The following FGD6 variants were observed in gnomAD, a reference collection of about 807,000 sequenced individuals.
FGD6 encodes the protein FYVE, RhoGEF and PH domain-containing protein 6.
FGD6 carries 90 observed loss-of-function variants against 149.4 expected under a neutral mutation model. The ratio of observed to expected loss-of-function variants is 0.60; its 90% confidence interval spans 0.51 to 0.72. The LOEUF (loss-of-function observed/expected upper bound fraction) is 0.72. Among genes scored for constraint, FGD6 ranks in the 30% least tolerant of loss-of-function variants. FGD6 has a pLI of 0.00. For synonymous variants in FGD6, 527 were observed against 584.0 expected (o/e 0.90, Z 1.41); for missense variants, 1,437 against 1,684.8 (o/e 0.85, Z 2.57).
chr12:95,092,898 T>A, intron 15 of FGD6, 53 bp from the exon 16 acceptor site: 2 of 1,550,580 alleles, frequency 1.3e-6, no homozygotes, highest in Non-Finnish European at 1.7e-6. Flanking sequence ...CCTGCCTTTT[T>A]ATTCGGCAGT....
chr12:95,105,031 T>C lies in FGD6; in HGVS notation c.3473A>G (p.Glu1158Gly), dbSNP rs1393183819. ...YQNELKIESV[E>G]RSFILSASSA... ...CCTGGCTGAGAGAATGAAGGAACGTTCTACACTTTCAATCTTTAATTCATT... is the reference window on the plus strand; with the variant it reads ...CCTGGCTGAGAGAATGAAGGAACGTCCTACACTTTCAATCTTTAATTCATT... The change falls in exon 14 of 21, where the codon GAA becomes GGA. Residue 1158 changes from glutamate to glycine, a missense_variant. Around this residue, in one of 2 missense-constraint regions of FGD6, gnomAD observed 382 missense variants for 538.7 expected, o/e 0.71. Coordinates refer to ENST00000343958, the MANE Select transcript of FGD6 (RefSeq NM_018351.4). 1 of 1,606,832 alleles carries C rather than the reference T, an allele frequency of 6.2e-7. No homozygotes were observed.
Position 95,209,165 on chromosome 12 carries a change from ACTT to A in FGD6, c.2116_2118del (p.Lys706del). The A allele has an allele frequency of 6.2e-7, 1 of 1,614,006 alleles. No individual in the cohort carries two copies. The highest frequency in any genetic ancestry group is 8.5e-7 in the Non-Finnish European group (1 of 1,179,994). On this transcript the variant is annotated inframe_deletion, in exon 2 of 21. Coordinates refer to ENST00000343958, the MANE Select transcript of FGD6 (RefSeq NM_018351.4). ...TTAGCTGCACTGGTCTGGCCCCGAG[ACTT>A]CTTCCTCTTCTTTTGAGATTCCAGG...
intron 3 of FGD6, among the ~76,000 whole-genome samples, chr12:95,165,865 T>A (rs1320747247): frequency 3.3e-5 from 5 of 151,848 alleles, no homozygotes; most frequent in African/African-American, 7.3e-5. Context: ...CAGATTGGTC[T>A]CGAACTCCTG....
chr12:95,209,633 C>T lies in FGD6; in HGVS notation c.1651G>A (p.Val551Met), dbSNP rs773048074. The change falls in exon 2 of 21, where the codon GTG becomes ATG. Residue 551 changes from valine to methionine, a missense_variant. Val to Met is a conservative substitution (Grantham distance 21). Transcript: ENST00000343958. ...TTAGGCATATCAAAGGAGGATGACACACCACGGTTTTGGGCACACAAATGC... is the reference window on the plus strand; with the variant it reads ...TTAGGCATATCAAAGGAGGATGACATACCACGGTTTTGGGCACACAAATGC... ...LQHLCAQNRG[V>M]SSSFDMPKRA... 1.5e-4 allele frequency: 234 copies of T among 1,613,406 alleles called. No individual in the cohort carries two copies. The highest frequency in any genetic ancestry group is 1.9e-4 in the Non-Finnish European group (229 of 1,179,864).
In FGD6 at chr12:95,082,294, A is replaced by G. The variant is rs144619878; in HGVS notation, c.4257-738T>C. ...AGTTTCCTTGTATATCCCCTAATCC[A>G]GACCTGTTTCAAGATTTGCAATTAA... On this transcript the variant is annotated intron_variant, in intron 20 of 20. Transcript: ENST00000343958. Among the ~76,000 whole-genome samples, 1,087 of 151,994 alleles carry G rather than the reference A, an allele frequency of 7.2e-3. 12 individuals are homozygous for G. The highest frequency in any genetic ancestry group is 0.023 in the African/African-American group (971 of 41,482).
At chr12:95,170,459 T>C (rs1476310148) in intron 3 of FGD6, among the ~76,000 whole-genome samples, 4 of 151,940 alleles carry the variant, frequency 2.6e-5, no homozygotes, top group Non-Finnish European at 5.9e-5. Flanking sequence ...CTGGCCAACA[T>C]AGTGAAACCC....
intron 14 of FGD6, among the ~76,000 whole-genome samples, chr12:95,101,573 T>C (rs1484271447): frequency 2.0e-5 from 3 of 152,172 alleles, no homozygotes; most frequent in Non-Finnish European, 4.4e-5. Flanking sequence ...GACTTTTCTA[T>C]AGGCATTTCT....
Position 95,207,970 on chromosome 12 carries a change from G to A in FGD6, c.2441+873C>T, listed in dbSNP as rs114357137. Among the ~76,000 whole-genome samples, 137 of 152,260 alleles carry A rather than the reference G, an allele frequency of 9.0e-4. 2 individuals are homozygous for A. The highest frequency in any genetic ancestry group is 3.2e-3 in the African/African-American group (134 of 41,544). On this transcript the variant is annotated intron_variant, in intron 2 of 20. Coordinates refer to ENST00000343958, the MANE Select transcript of FGD6 (RefSeq NM_018351.4). Reference sequence around the variant, plus strand: ...GTGCACACACAAAAGTGAGAAATAGGCCCAGTGTAGTGACTCATGCCTGTA... The same window carrying A: ...GTGCACACACAAAAGTGAGAAATAGACCCAGTGTAGTGACTCATGCCTGTA...
chr12:95,157,802 C>T (rs1027366633), intron 3 of FGD6, among the ~76,000 whole-genome samples: 1 of 152,106 alleles, frequency 6.6e-6, no homozygotes, highest in African/African-American at 2.4e-5. Context: ...ATTCCTCTTT[C>T]CTAATGATGG....
intron 14 of FGD6, among the ~76,000 whole-genome samples, chr12:95,095,602 G>C (rs958371710): frequency 2.0e-5 from 3 of 151,928 alleles, no homozygotes; most frequent in Admixed American, 6.6e-5. Flanking sequence ...GAGAAAGAAA[G>C]ACTTTAATAA....
intron 17 of FGD6, 73 bp downstream of exon 17, chr12:95,091,634 T>C: frequency 1.0e-6 from 1 of 962,048 alleles, no homozygotes. Flanking sequence ...CCGAAGGTGT[T>C]TCTCTCAGAA....
chr12:95,188,808 T>G lies in FGD6; in HGVS notation c.2442-16064A>C, dbSNP rs183241510. On this transcript the variant is annotated intron_variant, in intron 2 of 20. Coordinates refer to ENST00000343958, the MANE Select transcript of FGD6 (RefSeq NM_018351.4). Reference sequence around the variant, plus strand: ...AGTATTCCTTAAAAACAACTTTTTTTTTTTTTAATACTTGGTAAGGAAAGG... The same window carrying G: ...AGTATTCCTTAAAAACAACTTTTTTGTTTTTTAATACTTGGTAAGGAAAGG... Among the ~76,000 whole-genome samples the G allele has an allele frequency of 5.3e-5, 8 of 152,202 alleles. No individual in the cohort carries two copies. In the East Asian group the frequency reaches 1.5e-3, roughly 29 times the overall value.
At chr12:95,216,942 C>A (rs2056815562) in intron 1 of FGD6, among the ~76,000 whole-genome samples, 2 of 152,204 alleles carry the variant, frequency 1.3e-5, no homozygotes, top group Non-Finnish European at 2.9e-5. Context: ...GAGAGATGAG[C>A]GAACGCCCTT....
chr12:95,210,249 G>C lies in FGD6; in HGVS notation c.1035C>G (p.Asp345Glu). Residue 345 changes from aspartate (D) to glutamate (E), a missense_variant, in exon 2 of 21, where the codon GAC becomes GAG. Asp to Glu is a conservative substitution (Grantham distance 45). Coordinates refer to ENST00000343958, the MANE Select transcript of FGD6 (RefSeq NM_018351.4). ...TTTCAGTAAGACAGGAAGAGCTACTGTCTGAATTCCCCGGTTCTTCAGTGC... is the reference window on the plus strand; with the variant it reads ...TTTCAGTAAGACAGGAAGAGCTACTCTCTGAATTCCCCGGTTCTTCAGTGC... ...SESTEEPGNSDSSSSCLTENS... is the reference protein window; with the variant it reads ...SESTEEPGNSESSSSCLTENS... The C allele has an allele frequency of 6.2e-7, 1 of 1,614,156 alleles. No homozygotes were observed. The highest frequency in any genetic ancestry group is 8.5e-7 in the Non-Finnish European group (1 of 1,180,032).
At chr12:95,207,446 T>G (rs1054341460) in intron 2 of FGD6, among the ~76,000 whole-genome samples, 13 of 152,206 alleles carry the variant, frequency 8.5e-5, no homozygotes, top group African/African-American at 2.9e-4. Flanking sequence ...ATTTCAAGAC[T>G]TGAATTTCAA....
chr12:95,110,727 T>A (rs571298383), intron 9 of FGD6, among the ~76,000 whole-genome samples: 55 of 152,228 alleles, frequency 3.6e-4, no homozygotes, highest in African/African-American at 1.3e-3. Flanking sequence ...ACACATTTCC[T>A]GCTTTCTGGC....
At chr12:95,167,104 C>A (rs546465340) in intron 3 of FGD6, among the ~76,000 whole-genome samples, 1 of 152,082 alleles carries the variant, frequency 6.6e-6, no homozygotes, top group Non-Finnish European at 1.5e-5. Context: ...ATCTGCCCAC[C>A]TTGGCCTCGC....
chr12:95,161,529 C>T (rs1880643052), intron 3 of FGD6, among the ~76,000 whole-genome samples: 1 of 152,062 alleles, frequency 6.6e-6, no homozygotes, highest in African/African-American at 2.4e-5. Context: ...CCACTTGTAA[C>T]TGCTCCTAAC....
At chr12:95,204,750 T>A (rs1184276130) in intron 2 of FGD6, among the ~76,000 whole-genome samples, 2 of 151,852 alleles carry the variant, frequency 1.3e-5, no homozygotes, top group African/African-American at 4.8e-5. Flanking sequence ...ATAATTCACC[T>A]CCCTTGGGCT....
Sources: allele counts gnomAD v4.1 joint callset (sites outside exome capture counted in the v4.1 genomes callset), GRCh38; gene constraint gnomAD v4.1.1; regional missense constraint gnomAD v4.1.1; transcripts MANE v1.5; gene names NCBI Gene and HGNC (gene_info 2026-07-23, HGNC 2026-07-21).